WDR82: variants seen among roughly 807,000 people sequenced by gnomAD.
The protein encoded by WDR82 is WD repeat-containing protein 82.
WDR82 carries 8 observed loss-of-function variants against 36.1 expected under a neutral mutation model. The ratio of observed to expected loss-of-function variants is 0.22; its 90% CI spans 0.13 to 0.40. The LOEUF (loss-of-function observed/expected upper bound fraction) is 0.40. Ranked by LOEUF, WDR82 falls within the 10% of genes least tolerant of loss-of-function variation. The pLI is 1.00. For missense variants in WDR82, 185 were observed against 400.5 expected (o/e 0.46, Z 4.59); for synonymous variants, 129 against 137.8 (o/e 0.94, Z 0.45).
chr3:52,275,392 A>G (rs1175721295), intron 1 of WDR82, among the ~76,000 whole-genome samples: 1 of 152,226 alleles, frequency 6.6e-6, no homozygotes. Flanking sequence ...GACCAATGTC[A>G]CATACCTAGT....
intron 1 of WDR82, among the ~76,000 whole-genome samples, chr3:52,272,755 T>C (rs1434197719): frequency 6.6e-6 from 1 of 152,168 alleles, no homozygotes; most frequent in African/African-American, 2.4e-5. Flanking sequence ...GCTAATCCTC[T>C]CAATGTAAAA....
chr3:52,272,542 T>C (rs1700163547), intron 1 of WDR82, among the ~76,000 whole-genome samples: 1 of 96,210 alleles, frequency 1.0e-5, no homozygotes, highest in Non-Finnish European at 2.1e-5. Context: ...AGACTCCATC[T>C]CAAAAAAAAA....
At chr3:52,277,199 A>G (rs1700212523) in intron 1 of WDR82, among the ~76,000 whole-genome samples, 1 of 152,080 alleles carries the variant, frequency 6.6e-6, no homozygotes, top group Admixed American at 6.6e-5. Flanking sequence ...GGCTAAGGGT[A>G]AAACGAATTT....
At position 52,261,491 on chromosome 3, in the gene WDR82, C is replaced by A. The variant is rs368572877; in HGVS notation, c.327-12G>T. 2.5e-6 allele frequency: 4 copies of A among 1,601,684 alleles called. No individual in the cohort carries two copies. The highest frequency in any genetic ancestry group is 1.8e-5 in the Admixed American group (1 of 56,256). On this transcript the variant is annotated splice_polypyrimidine_tract_variant and intron_variant, in intron 3 of 8. Coordinates refer to ENST00000296490, the MANE Select transcript of WDR82 (RefSeq NM_025222.4). ...ACAAGGCCACCACCCTGCAATACAT[C>A]GAGATAAATAGGAGTTGATGCGAAA...
At chr3:52,275,953 G>C (rs540220703) in intron 1 of WDR82, among the ~76,000 whole-genome samples, 1 of 152,188 alleles carries the variant, frequency 6.6e-6, no homozygotes, top group South Asian at 2.1e-4. Context: ...CTCTAAAGGT[G>C]GGGGGAGGCA....
intron 3 of WDR82, among the ~76,000 whole-genome samples, chr3:52,264,084 A>C (rs1309290057): frequency 1.3e-5 from 2 of 152,068 alleles, no homozygotes; most frequent in Non-Finnish European, 2.9e-5. Flanking sequence ...AATCGTTTGA[A>C]CTCAGGAGGT....
intron 1 of WDR82, among the ~76,000 whole-genome samples, chr3:52,274,969 T>C (rs1434559286): frequency 6.6e-6 from 1 of 152,052 alleles, no homozygotes; most frequent in Non-Finnish European, 1.5e-5. Context: ...ATGCCTGCAA[T>C]CCCAGCACTT....
chr3:52,277,623 A>T (rs1302279667), intron 1 of WDR82, among the ~76,000 whole-genome samples: 2 of 152,234 alleles, frequency 1.3e-5, no homozygotes, highest in Non-Finnish European at 2.9e-5. Context: ...AGGAAGAAAA[A>T]GCAAGGGGGC....
At chr3:52,265,098 G>T (rs1300622186) in intron 3 of WDR82, among the ~76,000 whole-genome samples, 7 of 151,774 alleles carry the variant, frequency 4.6e-5, no homozygotes, top group African/African-American at 1.7e-4. Context: ...GGCGGATCAG[G>T]GACCATCCTG....
intron 7 of WDR82, 41 bp downstream of exon 7, chr3:52,259,156 A>C: frequency 6.5e-7 from 1 of 1,546,440 alleles, no homozygotes; most frequent in Non-Finnish European, 8.9e-7. Flanking sequence ...AATGCATAGT[A>C]CCAGAGAAAT....
chr3:52,274,969 TC>T (rs1267531654), intron 1 of WDR82, among the ~76,000 whole-genome samples: 1 of 152,052 alleles, frequency 6.6e-6, no homozygotes, highest in Non-Finnish European at 1.5e-5. Context: ...ATGCCTGCAA[TC>T]CCAGCACTTT....
At chr3:52,277,998 T>C in intron 1 of WDR82, 1 of 419,336 alleles carries the variant, frequency 2.4e-6, no homozygotes. Context: ...TATTATAAAA[T>C]TATGACTATC....
intron 2 of WDR82, 58 bp from the exon 3 acceptor site, chr3:52,267,076 ACATTTT>A (rs1279358405): frequency 7.2e-7 from 1 of 1,388,310 alleles, no homozygotes; most frequent in Non-Finnish European, 1.0e-6. Context: ...AATTTACTTT[ACATTTT>A]CATCTTAAAA....
At chr3:52,270,974 C>T (rs1383448503) in intron 1 of WDR82, among the ~76,000 whole-genome samples, 165 bp from the exon 2 acceptor site, 1 of 152,204 alleles carries the variant, frequency 6.6e-6, no homozygotes, top group African/African-American at 2.4e-5. Context: ...AAACAACGCT[C>T]AAGCAACAGC....
At position 52,278,393 on chromosome 3, in the gene WDR82, G is replaced by A. The variant is rs1578014141; in HGVS notation, c.-32C>T. ...GGCTGGGGAAGGCAGCGGCGGCGCA[G>A]GGCCGGGGCGGGGCCCGGCGGCGAG... On this transcript the variant is annotated 5_prime_UTR_variant, in exon 1 of 9. Coordinates refer to ENST00000296490, the MANE Select transcript of WDR82 (RefSeq NM_025222.4). 1 of 1,382,264 alleles carries A rather than the reference G, an allele frequency of 7.2e-7. No individual in the cohort carries two copies. Among genetic ancestry groups the A allele is most frequent in the African/African-American group, 1.5e-5 (1 of 65,844 alleles). The allele number at this position is 1,382,264 out of a possible 1,614,324, so 85.6% of individuals were successfully genotyped here.
At chr3:52,261,532 G>T in intron 3 of WDR82, 53 bp from the exon 4 acceptor site, 1 of 1,530,528 alleles carries the variant, frequency 6.5e-7, no homozygotes, top group South Asian at 1.2e-5. Context: ...GCAAAAATTG[G>T]ATGTGAATTC....
chr3:52,257,594 C>T (rs1700020903), intron 8 of WDR82, 75 bp from the exon 9 acceptor site: 2 of 1,596,882 alleles, frequency 1.3e-6, no homozygotes, highest in Admixed American at 1.7e-5. Flanking sequence ...CATCCCACCC[C>T]ACAGCAAAAA....
chr3:52,260,309 A>G (rs902958505), intron 5 of WDR82, 76 bp downstream of exon 5: 1 of 1,135,658 alleles, frequency 8.8e-7, no homozygotes, highest in Non-Finnish European at 1.2e-6. Context: ...AGCCTGGGCA[A>G]TAAGAGCAAA....
rs565918483 is a variant in WDR82 at position 52,254,940 on chromosome 3, A to AT, written c.*2549dup. On this transcript the variant is annotated 3_prime_UTR_variant, in exon 9 of 9. Transcript: ENST00000296490. ...CCAACGATAGAGACTGTGAGGTGGC[A>AT]TTTTTTTTTTTTTTTTTTTGAGACG... The AT allele has an allele frequency of 0.034, 4,511 of 132,438 alleles. 96 individuals are homozygous for AT. The highest frequency in any genetic ancestry group is 0.048 in the African/African-American group (1,708 of 35,666). 8.2% of individuals were successfully genotyped at this position (132,438 alleles called of 1,614,324 possible).
Sources: allele counts gnomAD v4.1 joint callset (sites outside exome capture counted in the v4.1 genomes callset), GRCh38; gene constraint gnomAD v4.1.1; transcripts MANE v1.5; gene names NCBI Gene and HGNC (gene_info 2026-07-23, HGNC 2026-07-21).